The following RNF44 variants were observed in gnomAD, a reference collection of about 807,000 sequenced individuals.
RNF44 encodes the protein ring finger protein 44.
RNF44 carries 25 observed loss-of-function variants against 53.6 expected under a neutral mutation model. The observed-to-expected ratio is 0.47, with a 90% CI of 0.34 to 0.65. The LOEUF is 0.65. Ranked by LOEUF, RNF44 falls within the 30% of genes least tolerant of loss-of-function variation. The pLI, the probability that RNF44 is intolerant of heterozygous loss-of-function variation, is 0.01. For synonymous variants in RNF44, 282 were observed against 252.2 expected (o/e 1.12, Z -1.12); for missense variants, 581 against 595.5 (o/e 0.98, Z 0.25).
chr5:176,540,082 G>A (rs938883961), upstream of RNF44, among the ~76,000 whole-genome samples: 2 of 152,170 alleles, frequency 1.3e-5, no homozygotes, highest in African/African-American at 4.8e-5. Context: ...CCCCATTTTT[G>A]AACGCAGAGC....
upstream of RNF44, among the ~76,000 whole-genome samples, chr5:176,540,231 T>C (rs1757418092): frequency 6.6e-6 from 1 of 152,186 alleles, no homozygotes; most frequent in Non-Finnish European, 1.5e-5. Context: ...CAGCCTTCAC[T>C]GGCATATACG....
rs765862205 is a variant in RNF44 at position 176,529,399 on chromosome 5, C to T, written c.1137-12G>A. The T allele has an allele frequency of 1.1e-5, 18 of 1,606,798 alleles. No individual in the cohort carries two copies. Among genetic ancestry groups the T allele is most frequent in the Admixed American group, 8.4e-5 (5 of 59,654 alleles). ...AGCAGACCACACACCTGTGGAGGGG[C>T]GCGGAGCGTCACCTCCACGCTGAGG... On this transcript the variant is annotated splice_polypyrimidine_tract_variant and intron_variant, in intron 9 of 10. Transcript: ENST00000274811.
At chr5:176,535,577 C>A (rs992733974) in intron 1 of RNF44, among the ~76,000 whole-genome samples, 1 of 152,172 alleles carries the variant, frequency 6.6e-6, no homozygotes, top group African/African-American at 2.4e-5. Context: ...CGGAATTGGT[C>A]CTAGTTGGCC....
In RNF44 at chr5:176,530,568, G is replaced by GGCCCAGC. The variant is rs1561845902; in HGVS notation, c.801+13_801+14insGCTGGGC. The GGCCCAGC allele has an allele frequency of 3.5e-6, 5 of 1,416,378 alleles. No individual in the cohort carries two copies. The African/African-American group carries it at 7.6e-5, about 22-fold the overall frequency. The allele number at this position is 1,416,378 out of a possible 1,614,324, so 87.7% of individuals were successfully genotyped here. A position where few individuals can be genotyped will look rare whatever the true frequency, so the allele number is the denominator to read the frequency against. On this transcript the variant is annotated intron_variant, in intron 6 of 10. Coordinates refer to ENST00000274811, the MANE Select transcript of RNF44 (RefSeq NM_014901.5). ...CTGCCCTGGAGCCCAGGTGGGGGTC[G>GGCCCAGC]GGGTGGCACTCACCACACCAAAGGA...
intron 1 of RNF44, among the ~76,000 whole-genome samples, chr5:176,532,984 T>C (rs978756935): frequency 3.9e-5 from 6 of 152,098 alleles, no homozygotes; most frequent in Non-Finnish European, 8.8e-5. Context: ...TCCCCCTCAG[T>C]TGCGGAGCTC....
upstream of RNF44, among the ~76,000 whole-genome samples, chr5:176,539,070 C>T (rs1757383719): frequency 6.6e-6 from 1 of 152,150 alleles, no homozygotes; most frequent in South Asian, 2.1e-4. Flanking sequence ...TCAGAAACCC[C>T]CTTTCAGCTT....
chr5:176,536,893 T>C (rs1757244574), intron 1 of RNF44, 47 bp downstream of exon 1: 1 of 150,060 alleles, frequency 6.7e-6, no homozygotes, highest in Non-Finnish European at 1.5e-5. Context: ...GAACAGAAGG[T>C]CCATGGGTGG....
intron 1 of RNF44, among the ~76,000 whole-genome samples, chr5:176,534,115 C>T (rs1756955734): frequency 6.6e-6 from 1 of 152,240 alleles, no homozygotes; most frequent in African/African-American, 2.4e-5. Context: ...GGGGCCCGAC[C>T]AGCAGAGGGT....
Position 176,537,007 on chromosome 5 carries a change from C to CGGGGGGGGGGGGGGGG in RNF44, c.-113_-112insCCCCCCCCCCCCCCCC, listed in dbSNP as rs1383065221. ...TAGGACGGCCAAACTGGGCAGGGGG[C>CGGGGGGGGGGGGGGGG]GGGGGAGGGGGGGGGTGCCTGTCTG... is the stretch of plus-strand genomic sequence containing the variant. On this transcript the variant is annotated 5_prime_UTR_variant, in exon 1 of 11. Transcript: ENST00000274811. 9.0e-5 allele frequency: 1 copy of CGGGGGGGGGGGGGGGG among 11,074 alleles called. No homozygotes were observed. Among genetic ancestry groups the CGGGGGGGGGGGGGGGG allele is most frequent in the African/African-American group, 3.5e-4 (1 of 2,878 alleles). 0.7% of individuals were successfully genotyped at this position (11,074 alleles called of 1,614,324 possible).
At chr5:176,533,006 C>T (rs944186652) in intron 1 of RNF44, among the ~76,000 whole-genome samples, 2 of 152,178 alleles carry the variant, frequency 1.3e-5, no homozygotes, top group Non-Finnish European at 2.9e-5. Flanking sequence ...GCGAGCTGGC[C>T]AGCGTGCTTC....
upstream of RNF44, among the ~76,000 whole-genome samples, chr5:176,539,631 T>A (rs1320878970): frequency 6.6e-6 from 1 of 151,332 alleles, no homozygotes; most frequent in Admixed American, 6.6e-5. Context: ...GAGGTTGCAG[T>A]GAGCTGAGAT....
Position 176,530,639 on chromosome 5 carries a change from C to A in RNF44, c.744G>T (p.Ser248=). The A allele has an allele frequency of 6.6e-7, 1 of 1,518,694 alleles. No individual in the cohort carries two copies. The highest frequency in any genetic ancestry group is 8.8e-7 in the Non-Finnish European group (1 of 1,136,510). 94.1% of individuals were successfully genotyped at this position (1,518,694 alleles called of 1,614,324 possible). A position where few individuals can be genotyped will look rare whatever the true frequency, so the allele number is the denominator to read the frequency against. Residue 248 remains serine, a synonymous_variant, in exon 6 of 11, where the codon TCG becomes TCT. Coordinates refer to ENST00000274811, the MANE Select transcript of RNF44 (RefSeq NM_014901.5). The stretch of plus-strand genomic sequence containing the variant: ...CGTGGGGCAGGTAGTGCAGGGGCAC[C>A]GACGGGGAAAGGGCTGGGCCAGGCG... ...TSAPGPALSP[S]VPLHYLPHDP...
chr5:176,536,517 CGA>C (rs1581116020), intron 1 of RNF44, among the ~76,000 whole-genome samples: 1 of 152,172 alleles, frequency 6.6e-6, no homozygotes, highest in African/African-American at 2.4e-5. Context: ...GACACAGCCC[CGA>C]GAGGGGCCTC....
rs1311113557 is a variant in RNF44 at position 176,531,965 on chromosome 5, T to C, written c.297+39A>G. 4.5e-6 allele frequency: 7 copies of C among 1,559,976 alleles called. No individual in the cohort carries two copies. The highest frequency in any genetic ancestry group is 5.2e-6 in the Non-Finnish European group (6 of 1,154,244). On this transcript the variant is annotated intron_variant, in intron 3 of 10. Coordinates refer to ENST00000274811, the MANE Select transcript of RNF44 (RefSeq NM_014901.5). The surrounding 1 kb of genome is among the most constrained non-coding windows in gnomAD (Gnocchi z 4.2). ...TGCTGCCTCTGCCTCTCAGACTGGCTCACAGGGCCAGGGGCACAGGGGATG... is the reference window on the plus strand; with the variant it reads ...TGCTGCCTCTGCCTCTCAGACTGGCCCACAGGGCCAGGGGCACAGGGGATG...
Position 176,528,721 on chromosome 5 carries a change from G to A in RNF44, c.*307C>T. 2.1e-6 allele frequency: 1 copy of A among 465,424 alleles called. No homozygotes were observed. The highest frequency in any genetic ancestry group is 3.9e-6 in the Non-Finnish European group (1 of 258,802). The allele number at this position is 465,424 out of a possible 1,614,324, so 28.8% of individuals were successfully genotyped here. A position where few individuals can be genotyped will look rare whatever the true frequency, so the allele number is the denominator to read the frequency against. ...GCCCCACTGAGGGAGCGGACCCCTG[G>A]CACTCAGTGCCAGCAGGAAAAGGAG... is the stretch of plus-strand genomic sequence containing the variant. On this transcript the variant is annotated 3_prime_UTR_variant, in exon 11 of 11. Coordinates refer to ENST00000274811, the MANE Select transcript of RNF44 (RefSeq NM_014901.5).
rs1030342150 is a variant in RNF44, at chr5:176,537,390, C to G, written c.-495G>C. On this transcript the variant is annotated 5_prime_UTR_variant, in exon 1 of 11. Coordinates refer to ENST00000274811, the MANE Select transcript of RNF44 (RefSeq NM_014901.5). The stretch of plus-strand genomic sequence containing the variant: ...CCGGGAGGCTCCGGCAAACAGTAGC[C>G]CGCTGCAAGCCCGCAGGGGCCCCGC... 6.6e-6 allele frequency: 1 copy of G among 152,080 alleles called. No homozygotes were observed. The highest frequency in any genetic ancestry group is 2.4e-5 in the African/African-American group (1 of 41,426). 9.4% of individuals were successfully genotyped at this position (152,080 alleles called of 1,614,324 possible).
upstream of RNF44, among the ~76,000 whole-genome samples, chr5:176,541,029 C>G (rs1757436906): frequency 6.6e-6 from 1 of 152,232 alleles, no homozygotes; most frequent in Non-Finnish European, 1.5e-5. Flanking sequence ...CTTGTTCTCC[C>G]CGTACCCCAA....
At chr5:176,539,764 A>G (rs766339579), upstream of RNF44, among the ~76,000 whole-genome samples, 51 of 151,626 alleles carry the variant, frequency 3.4e-4, no homozygotes, top group Non-Finnish European at 6.9e-4. Flanking sequence ...CCTTATGGAT[A>G]GGGCCTACAG....
Position 176,530,784 on chromosome 5 carries a change from G to A in RNF44, c.640-41C>T. On this transcript the variant is annotated intron_variant, in intron 5 of 10. Transcript: ENST00000274811. The stretch of plus-strand genomic sequence containing the variant: ...CCGGGTCAGCAAGTCAGTGAGACGA[G>A]GCTGTCCTCACCCTGCCTCCCCCCA... 6 of 1,492,844 alleles carry A rather than the reference G, an allele frequency of 4.0e-6. No individual in the cohort carries two copies. The South Asian group carries it at 5.2e-5, about 13-fold the overall frequency. 92.5% of individuals were successfully genotyped at this position (1,492,844 alleles called of 1,614,324 possible).
Sources: gnomAD v4.1 joint callset for allele counts (sites outside exome capture counted in the v4.1 genomes callset) on GRCh38, gnomAD v4.1.1 for gene constraint, Gnocchi (gnomAD v3.1) non-coding constraint, MANE v1.5 for transcripts, NCBI Gene and HGNC (gene_info 2026-07-23, HGNC 2026-07-21) for gene names.